The following COL21A1 variants were observed in gnomAD, a reference collection of about 807,000 sequenced individuals.
COL21A1 encodes the protein collagen alpha-1(XXI) chain.
In COL21A1, 149 loss-of-function variants were observed where a neutral mutation model predicts 137.9. The observed-to-expected ratio is 1.08, with a 90% confidence interval of 0.95 to 1.24. COL21A1 has a LOEUF of 1.24. COL21A1 is among the 50% of genes most tolerant of loss of function. The pLI is 0.00. For missense variants in COL21A1, 1,167 were observed against 1,158.4 expected (o/e 1.01, Z -0.11); for synonymous variants, 456 against 391.5 (o/e 1.16, Z -1.95).
intron 17 of COL21A1, 39 bp from the exon 18 acceptor site, chr6:56,077,612 T>G: frequency 7.9e-7 from 1 of 1,264,300 alleles, no homozygotes. Flanking sequence ...TTATAAAAAA[T>G]TGAAGACTTT....
At chr6:56,123,613 G>A (rs62412815) in intron 16 of COL21A1, among the ~76,000 whole-genome samples, 22,857 of 152,070 alleles carry the variant, frequency 0.15, 1,752 homozygotes, top group Middle Eastern at 0.22. Context: ...CACCCCAAGG[G>A]CATGTGCCCT....
intron 1 of COL21A1, among the ~76,000 whole-genome samples, chr6:56,303,653 G>C (rs1764358961): frequency 6.6e-6 from 1 of 152,100 alleles, no homozygotes; most frequent in African/African-American, 2.4e-5. Context: ...GGGTTTTCTA[G>C]ATATACAATC....
chr6:56,156,538 C>T (rs936882311), intron 10 of COL21A1, among the ~76,000 whole-genome samples: 3 of 152,158 alleles, frequency 2.0e-5, no homozygotes, highest in African/African-American at 7.2e-5. Context: ...CCACTATCTT[C>T]CAGTCTGTGA....
chr6:56,132,729 A>C (rs1355202697), intron 12 of COL21A1, among the ~76,000 whole-genome samples: 2 of 152,156 alleles, frequency 1.3e-5, no homozygotes, highest in African/African-American at 4.8e-5. Context: ...CCCACTTGTC[A>C]TGGGAGGAAC....
chr6:56,260,045 C>T (rs1763213509), intron 1 of COL21A1, among the ~76,000 whole-genome samples: 1 of 152,182 alleles, frequency 6.6e-6, no homozygotes, highest in Admixed American at 6.5e-5. Flanking sequence ...AGGTGTGACC[C>T]ACTACCTCCC....
chr6:56,067,947 A>G (rs780314145), intron 22 of COL21A1, among the ~76,000 whole-genome samples: 2 of 151,662 alleles, frequency 1.3e-5, no homozygotes, highest in Non-Finnish European at 3.0e-5. Flanking sequence ...CGGTTTCCAA[A>G]TTTCCTTTCT....
chr6:56,089,719 G>C (rs553353995), intron 17 of COL21A1, among the ~76,000 whole-genome samples: 2 of 152,094 alleles, frequency 1.3e-5, no homozygotes, highest in Non-Finnish European at 2.9e-5. Flanking sequence ...ATACCAGTGA[G>C]ACTACTGAGC....
At chr6:56,240,054 G>A (rs75796935) in intron 1 of COL21A1, among the ~76,000 whole-genome samples, 6 of 152,012 alleles carry the variant, frequency 3.9e-5, no homozygotes, top group African/African-American at 9.7e-5. Flanking sequence ...AACCCCTTCC[G>A]CTTGGCTCTC....
intron 1 of COL21A1, among the ~76,000 whole-genome samples, chr6:56,388,326 C>G (rs1054905537): frequency 6.6e-6 from 1 of 152,176 alleles, no homozygotes; most frequent in East Asian, 1.9e-4. Flanking sequence ...TCAGGTGTAA[C>G]CCAGCACAGT....
Position 56,116,396 on chromosome 6 carries a change from T to TAAA in COL21A1, c.1758+7663_1758+7665dup, listed in dbSNP as rs370697652. On this transcript the variant is annotated intron_variant, in intron 16 of 29. Coordinates refer to ENST00000244728, the MANE Select transcript of COL21A1 (RefSeq NM_030820.4). ...CATGACATTTTTTAAGTGCCAAAGG[T>TAAA]AAAAAAAAAAAAAAAAAAAAAAAAA... is the stretch of plus-strand genomic sequence containing the variant. Among the ~76,000 whole-genome samples the TAAA allele has an allele frequency of 5.5e-4, 50 of 90,812 alleles. 2 individuals are homozygous for TAAA. The highest frequency in any genetic ancestry group is 2.2e-3 in the South Asian group (5 of 2,240). The allele number at this position is 90,812 out of a possible 152,430, so 59.6% of individuals were successfully genotyped here.
At position 56,193,796 on chromosome 6, in the gene COL21A1, CCAGG is replaced by C. The variant is rs1582609761; in HGVS notation, c.-38-11144_-38-11141del. Reference sequence around the variant, plus strand: ...TTTTTGAGAAGGAGTCTCACTCTCACCAGGCTGGACTGCAGTGGTGCTATCTCAG... The same window carrying C: ...TTTTTGAGAAGGAGTCTCACTCTCACCTGGACTGCAGTGGTGCTATCTCAG... On this transcript the variant is annotated intron_variant, in intron 1 of 29. Coordinates refer to ENST00000244728, the MANE Select transcript of COL21A1 (RefSeq NM_030820.4). Among the ~76,000 whole-genome samples the C allele has an allele frequency of 2.0e-5, 3 of 151,442 alleles. No individual in the cohort carries two copies. The East Asian group carries it at 5.8e-4, about 29-fold the overall frequency.
intron 3 of COL21A1, among the ~76,000 whole-genome samples, chr6:56,172,451 G>T: frequency 6.6e-6 from 1 of 152,100 alleles, no homozygotes; most frequent in Non-Finnish European, 1.5e-5. Flanking sequence ...AAAAATGAAG[G>T]AGAAATAAAG....
chr6:56,143,783 A>G (rs754081191), intron 10 of COL21A1, among the ~76,000 whole-genome samples: 10 of 152,192 alleles, frequency 6.6e-5, no homozygotes, highest in Non-Finnish European at 1.3e-4. Flanking sequence ...TTGAGATCAA[A>G]GACCAGGTTT....
intron 1 of COL21A1, among the ~76,000 whole-genome samples, chr6:56,319,060 C>T (rs1264447659): frequency 6.6e-6 from 1 of 152,078 alleles, no homozygotes; most frequent in Admixed American, 6.6e-5. Context: ...CCTCCCTTGA[C>T]TTTCCAGCAG....
intron 1 of COL21A1, among the ~76,000 whole-genome samples, chr6:56,381,299 A>C (rs985638905): frequency 2.0e-5 from 3 of 152,160 alleles, no homozygotes; most frequent in African/African-American, 7.2e-5. Flanking sequence ...TTAGTTAGAA[A>C]GGGGAAAAAA....
At chr6:56,368,626 C>G (rs1212005288) in intron 1 of COL21A1, among the ~76,000 whole-genome samples, 2 of 152,246 alleles carry the variant, frequency 1.3e-5, no homozygotes, top group Non-Finnish European at 2.9e-5. Context: ...CCTCACCCCC[C>G]TTAAAATTCA....
intron 3 of COL21A1, among the ~76,000 whole-genome samples, chr6:56,173,724 C>T (rs191034425): frequency 6.6e-6 from 1 of 152,082 alleles, no homozygotes; most frequent in Non-Finnish European, 1.5e-5. Context: ...ATATACAGAA[C>T]TGAAGGGAGA....
intron 1 of COL21A1, among the ~76,000 whole-genome samples, chr6:56,334,519 T>C (rs1399229570): frequency 6.6e-6 from 1 of 152,176 alleles, no homozygotes; most frequent in Admixed American, 6.6e-5. Flanking sequence ...TAATCATAAG[T>C]TAATTGTAAA....
At chr6:56,138,716 G>C (rs1192916434) in intron 12 of COL21A1, among the ~76,000 whole-genome samples, 1 of 152,116 alleles carries the variant, frequency 6.6e-6, no homozygotes, top group Non-Finnish European at 1.5e-5. Context: ...AGTCCTACTA[G>C]AGTGGGTCAG....
Sources: gnomAD v4.1 joint callset for allele counts (sites outside exome capture counted in the v4.1 genomes callset) on GRCh38, gnomAD v4.1.1 for gene constraint, MANE v1.5 for transcripts, NCBI Gene and HGNC (gene_info 2026-07-23, HGNC 2026-07-21) for gene names.